The following SAP30BP variants were observed in gnomAD, a reference collection of about 807,000 sequenced individuals.
The protein encoded by SAP30BP is SAP30 binding protein.
A neutral mutation model predicts 46.3 loss-of-function variants in SAP30BP; 31 were observed. The ratio of observed to expected loss-of-function variants is 0.67; its 90% CI spans 0.50 to 0.90. SAP30BP has a LOEUF of 0.90. Among genes scored for constraint, SAP30BP ranks in the 40% least tolerant of loss-of-function variants. The pLI, the probability that SAP30BP is intolerant of heterozygous loss-of-function variation, is 0.00. For synonymous variants in SAP30BP, 169 were observed against 144.2 expected, an observed-to-expected ratio of 1.17 and a Z score of -1.23; for missense variants, 312 against 391.0, an observed-to-expected ratio of 0.80 and a Z score of 1.70.
At chr17:75,674,912 C>T (rs917773164) in intron 3 of SAP30BP, among the ~76,000 whole-genome samples, 3 of 150,854 alleles carry the variant, frequency 2.0e-5, no homozygotes, top group East Asian at 2.0e-4. Flanking sequence ...CATATTGCCC[C>T]GGCTGGTCTT....
intron 4 of SAP30BP, among the ~76,000 whole-genome samples, chr17:75,697,066 C>A (rs888319297): frequency 6.6e-6 from 1 of 152,022 alleles, no homozygotes; most frequent in Non-Finnish European, 1.5e-5. Context: ...TGTGAGCCAC[C>A]GCGCCCGGCC....
chr17:75,679,724 T>A (rs993332316), intron 3 of SAP30BP: 1 of 152,146 alleles, frequency 6.6e-6, no homozygotes, highest in Non-Finnish European at 1.5e-5. Context: ...TGTTCCATTA[T>A]TTTTTCGTCT....
chr17:75,682,149 A>G (rs1402607412), intron 3 of SAP30BP, among the ~76,000 whole-genome samples: 1 of 152,108 alleles, frequency 6.6e-6, no homozygotes, highest in Non-Finnish European at 1.5e-5. Context: ...TGCAAAAGGA[A>G]AAAAAATCAC....
chr17:75,695,196 G>C (rs1348006640), intron 4 of SAP30BP, among the ~76,000 whole-genome samples: 1 of 152,220 alleles, frequency 6.6e-6, no homozygotes, highest in African/African-American at 2.4e-5. Context: ...ATGAGTCTTT[G>C]TTGTGGGGCT....
chr17:75,675,128 A>G (rs2059971128), intron 3 of SAP30BP, among the ~76,000 whole-genome samples: 1 of 151,972 alleles, frequency 6.6e-6, no homozygotes, highest in Admixed American at 6.6e-5. Context: ...TCTCCTTTCT[A>G]CTTTGGTTTT....
At chr17:75,668,721 C>T in intron 2 of SAP30BP, 96 bp downstream of exon 2, 2 of 754,228 alleles carry the variant, frequency 2.7e-6, no homozygotes, top group South Asian at 3.5e-5. Context: ...ATGGTTAGCT[C>T]CATCCCTTGC....
Position 75,706,497 on chromosome 17 carries a change from C to T in SAP30BP, c.903C>T (p.Thr301=). The change falls in exon 11 of 11, where the codon ACC becomes ACT. Residue 301 remains threonine, a synonymous_variant. Coordinates refer to ENST00000584667, the MANE Select transcript of SAP30BP (RefSeq NM_013260.8). The surrounding 1 kb of genome is among the most constrained non-coding windows in gnomAD (Gnocchi z 4.6). ...SKTTVISAVG[T]IVKKAKQ The stretch of plus-strand genomic sequence containing the variant: ...CCACCGTCATCTCTGCTGTGGGCAC[C>T]ATTGTGAAGAAGGCCAAGCAGTGAC... The T allele has an allele frequency of 6.2e-7, 1 of 1,614,088 alleles. No homozygotes were observed. Among genetic ancestry groups the T allele is most frequent in the Non-Finnish European group, 8.5e-7 (1 of 1,180,036 alleles).
intron 4 of SAP30BP, among the ~76,000 whole-genome samples, chr17:75,698,018 C>T (rs2060348363): frequency 6.6e-6 from 1 of 152,218 alleles, no homozygotes; most frequent in Non-Finnish European, 1.5e-5. Context: ...TTCATCCTGC[C>T]CCACCCTGCC....
rs1229742284 is a variant in SAP30BP, at chr17:75,668,526, C to T, written c.117C>T (p.Gly39=). 2 of 1,559,584 alleles carry T rather than the reference C, an allele frequency of 1.3e-6. No homozygotes were observed. Among genetic ancestry groups the T allele is most frequent in the East Asian group, 2.3e-5 (1 of 42,718 alleles). Residue 39 remains glycine, a synonymous_variant, in exon 2 of 11, where the codon GGC becomes GGT. Coordinates refer to ENST00000584667, the MANE Select transcript of SAP30BP (RefSeq NM_013260.8). The part of the protein sequence containing the change: ...EAVGSAAEEK[G]GLVSDAYGED... ...TTTTTAACCTTTCAGAGGAGAAAGG[C>T]GGATTGGTATCTGATGCCTATGGGG...
In SAP30BP at chr17:75,677,106, C is replaced by CTTTT. The variant is rs35919373; in HGVS notation, c.264+5261_264+5264dup. Among the ~76,000 whole-genome samples the CTTTT allele has an allele frequency of 4.2e-4, 48 of 113,490 alleles. 1 individual carries two copies. The highest frequency in any genetic ancestry group is 5.6e-4 in the Non-Finnish European group (32 of 57,174). 74.5% of individuals were successfully genotyped at this position (113,490 alleles called of 152,430 possible). A position where few individuals can be genotyped will look rare whatever the true frequency, so the allele number is the denominator to read the frequency against. On this transcript the variant is annotated intron_variant, in intron 3 of 10. Coordinates refer to ENST00000584667, the MANE Select transcript of SAP30BP (RefSeq NM_013260.8). The stretch of plus-strand genomic sequence containing the variant: ...TCATTTTTACTGTCCTGGCAGAAAA[C>CTTTT]TTTTTTTTTTTTTTTTTTTTTGAGA...
chr17:75,683,701 C>T (rs2060118353), intron 3 of SAP30BP: 1 of 152,132 alleles, frequency 6.6e-6, no homozygotes, highest in Non-Finnish European at 1.5e-5. Flanking sequence ...ATGGTTGTTC[C>T]CCCAGGAAGG....
chr17:75,693,249 C>T, intron 3 of SAP30BP, 191 bp from the exon 4 acceptor site: 1 of 578,740 alleles, frequency 1.7e-6, no homozygotes, highest in Non-Finnish European at 3.1e-6. Context: ...CATCCGGCTG[C>T]TGCGATGCGG....
rs2060443804 is a variant in SAP30BP, at chr17:75,703,357, A to G, written c.535A>G (p.Thr179Ala). 1 of 1,614,056 alleles carries G rather than the reference A, an allele frequency of 6.2e-7. No individual in the cohort carries two copies. Residue 179 changes from threonine (T) to alanine (A), a missense_variant, in exon 7 of 11, where the codon ACC becomes GCC. This residue lies in a region of SAP30BP where 296 missense variants were observed against 346.6 expected (regional missense o/e 0.85). Coordinates refer to ENST00000584667, the MANE Select transcript of SAP30BP (RefSeq NM_013260.8). ...GTTCTGTGCCATTGACGAGCTTGGC[A>G]CCAACTACCCAAAGGTGCGTCTGGC... ...IQFCAIDELG[T>A]NYPKDMFDPH...
rs187437744 is a variant in SAP30BP, at chr17:75,702,381, A to G, written c.397-99A>G. 792 of 557,828 alleles carry G rather than the reference A, an allele frequency of 1.4e-3. 6 individuals carry two copies. The highest frequency in any genetic ancestry group is 0.011 in the African/African-American group (585 of 52,570). 34.6% of individuals were successfully genotyped at this position (557,828 alleles called of 1,614,324 possible). A position where few individuals can be genotyped will look rare whatever the true frequency, so the allele number is the denominator to read the frequency against. On this transcript the variant is annotated intron_variant, in intron 5 of 10. Coordinates refer to ENST00000584667, the MANE Select transcript of SAP30BP (RefSeq NM_013260.8). ...TTGGGCTTTGCCTGACTGGAGCCTCATGTTCATGCTGCACATGTAGCTGGT... is the reference window on the plus strand; with the variant it reads ...TTGGGCTTTGCCTGACTGGAGCCTCGTGTTCATGCTGCACATGTAGCTGGT...
At chr17:75,680,920 G>A (rs184818767) in intron 3 of SAP30BP, among the ~76,000 whole-genome samples, 3 of 152,232 alleles carry the variant, frequency 2.0e-5, no homozygotes, top group Admixed American at 6.5e-5. Context: ...TGTAGTCCCA[G>A]GTACTTGGGA....
intron 3 of SAP30BP, among the ~76,000 whole-genome samples, chr17:75,674,078 G>T (rs560158472): frequency 6.6e-6 from 1 of 152,208 alleles, no homozygotes; most frequent in Admixed American, 6.5e-5. Context: ...CAGCTTCAAT[G>T]TTCTGCAATC....
chr17:75,670,635 A>G (rs147879165), intron 2 of SAP30BP, among the ~76,000 whole-genome samples: 59 of 152,230 alleles, frequency 3.9e-4, no homozygotes, highest in Non-Finnish European at 7.9e-4. Context: ...CTCTCATCAG[A>G]TCTTGTTGTA....
At chr17:75,671,713 C>T in intron 2 of SAP30BP, 103 bp from the exon 3 acceptor site, 2 of 852,948 alleles carry the variant, frequency 2.3e-6, no homozygotes, top group Non-Finnish European at 4.1e-6. Flanking sequence ...TGGGATGACC[C>T]CAGCTGGGTA....
Position 75,699,651 on chromosome 17 carries a change from G to A in SAP30BP, c.308-132G>A, listed in dbSNP as rs373544843. On this transcript the variant is annotated intron_variant, in intron 4 of 10. Coordinates refer to ENST00000584667, the MANE Select transcript of SAP30BP (RefSeq NM_013260.8). ...ATGACACCTCAGAGAGGCCACATCC[G>A]AACACTCAGTTGTACTGTTTTCATA... is the stretch of plus-strand genomic sequence containing the variant. 1.4e-3 allele frequency: 831 copies of A among 602,776 alleles called. 11 individuals carry two copies. Among genetic ancestry groups the A allele is most frequent in the South Asian group, 0.013 (643 of 49,304 alleles). 37.3% of individuals were successfully genotyped at this position (602,776 alleles called of 1,614,324 possible). A position where few individuals can be genotyped will look rare whatever the true frequency, so the allele number is the denominator to read the frequency against.
Sources: gnomAD v4.1 joint callset for allele counts (sites outside exome capture counted in the v4.1 genomes callset) on GRCh38, gnomAD v4.1.1 for gene constraint, gnomAD v4.1.1 regional missense constraint, Gnocchi (gnomAD v3.1) non-coding constraint, MANE v1.5 for transcripts, NCBI Gene and HGNC (gene_info 2026-07-23, HGNC 2026-07-21) for gene names.